FAM78A: variants seen among roughly 807,000 people sequenced by gnomAD.
FAM78A encodes protein FAM78A.
FAM78A carries 12 observed loss-of-function variants against 22.6 expected under a neutral mutation model. That is an observed-to-expected ratio of 0.53 (90% confidence interval 0.34 to 0.86). FAM78A has a LOEUF of 0.86. Ranked by LOEUF, FAM78A falls within the 40% of genes least tolerant of loss-of-function variation. FAM78A has a pLI of 0.02. For missense variants in FAM78A, 322 were observed against 396.1 expected (o/e 0.81, Z 1.59); for synonymous variants, 151 against 155.8 (o/e 0.97, Z 0.23).
At chr9:131,269,608 C>T (rs1156993744) in intron 1 of FAM78A, among the ~76,000 whole-genome samples, 1 of 152,056 alleles carries the variant, frequency 6.6e-6, no homozygotes, top group Admixed American at 6.6e-5. Context: ...TTCTGAGTAG[C>T]TGGGATTAAA....
chr9:131,276,977 C>T (rs1461036677), upstream of FAM78A, among the ~76,000 whole-genome samples: 1 of 149,664 alleles, frequency 6.7e-6, no homozygotes, highest in African/African-American at 2.4e-5. This position sits in a 1 kb window ranked among gnomAD's most constrained non-coding sequence, Gnocchi z 4.3. Context: ...CGCGTCAAGG[C>T]CAGCCTCAAA....
intron 1 of FAM78A, among the ~76,000 whole-genome samples, chr9:131,262,954 T>A (rs763254631): frequency 3.3e-5 from 5 of 151,894 alleles, no homozygotes; most frequent in Non-Finnish European, 5.9e-5. Flanking sequence ...TGAAAAGAGT[T>A]CTGGGCTGGG....
At chr9:131,266,498 T>TCCACTCCTCTTTCCTCCTCCTCCC in intron 1 of FAM78A, among the ~76,000 whole-genome samples, 5 of 151,738 alleles carry the variant, frequency 3.3e-5, no homozygotes, top group African/African-American at 1.2e-4. Context: ...CTCCTCCTCC[T>TCCACTCCTCTTTCCTCCTCCTCCC]CCACTCCTCT....
At chr9:131,267,583 T>C (rs1001041428) in intron 1 of FAM78A, among the ~76,000 whole-genome samples, 2 of 152,108 alleles carry the variant, frequency 1.3e-5, no homozygotes, top group Non-Finnish European at 2.9e-5. Context: ...AAATAACAGG[T>C]TGGATATGCT....
intron 1 of FAM78A, among the ~76,000 whole-genome samples, chr9:131,262,163 T>C (rs1835279631): frequency 6.6e-6 from 1 of 150,592 alleles, no homozygotes. Context: ...CTGTCTCTAC[T>C]AAAAAAAATA....
chr9:131,266,202 C>T (rs1320822879), intron 1 of FAM78A, among the ~76,000 whole-genome samples: 4 of 152,184 alleles, frequency 2.6e-5, no homozygotes, highest in African/African-American at 4.8e-5. Flanking sequence ...CTGTTCCCCT[C>T]CCAGAAGCAG....
intron 1 of FAM78A, among the ~76,000 whole-genome samples, chr9:131,273,244 GACACCAAACGGA>G (rs1482691160): frequency 6.6e-6 from 1 of 152,234 alleles, no homozygotes; most frequent in African/African-American, 2.4e-5. Flanking sequence ...CTCATGGACG[GACACCAAACGGA>G]ACCCCGGGGG....
At chr9:131,277,035 G>A (rs992901084), upstream of FAM78A, among the ~76,000 whole-genome samples, 2 of 150,234 alleles carry the variant, frequency 1.3e-5, no homozygotes, top group Non-Finnish European at 3.0e-5. The surrounding 1 kb of genome is among the most constrained non-coding windows in gnomAD (Gnocchi z 8.4). Context: ...GGCGACGCGT[G>A]TGCGCTGGGC....
rs1432417425 is a variant in FAM78A at position 131,274,439 on chromosome 9, A to G, written c.323+1418T>C. 6.6e-6 allele frequency among the ~76,000 whole-genome samples: 1 copy of G among 152,188 alleles called. No homozygotes were observed. Among genetic ancestry groups the G allele is most frequent in the African/African-American group, 2.4e-5 (1 of 41,448 alleles). ...AATCATGTTTCCCTGCTTAGAACAG[A>G]AAGGCAGCACCCCCTCCCCCGAACT... On this transcript the variant is annotated intron_variant, in intron 1 of 1. Coordinates refer to ENST00000372271, the MANE Select transcript of FAM78A (RefSeq NM_033387.4). This position sits in a 1 kb window ranked among gnomAD's most constrained non-coding sequence, Gnocchi z 4.2.
chr9:131,280,494 A>ACCCTTTCCCCTCCCCCAGGC (rs1298688632), upstream of FAM78A, among the ~76,000 whole-genome samples: 1 of 151,896 alleles, frequency 6.6e-6, no homozygotes, highest in Non-Finnish European at 1.5e-5. Context: ...TGCTCTCAGG[A>ACCCTTTCCCCTCCCCCAGGC]CCCTTTCCCC....
chr9:131,271,124 C>T (rs1275480609), intron 1 of FAM78A, among the ~76,000 whole-genome samples: 4 of 151,650 alleles, frequency 2.6e-5, no homozygotes, highest in African/African-American at 9.7e-5. Context: ...CCTCCCACCT[C>T]AGCCTCCCAA....
chr9:131,276,246 G>C lies in FAM78A; in HGVS notation c.-67C>G. 1 of 1,346,356 alleles carries C rather than the reference G, an allele frequency of 7.4e-7. No individual in the cohort carries two copies. The highest frequency in any genetic ancestry group is 1.0e-6 in the Non-Finnish European group (1 of 972,016). 83.4% of individuals were successfully genotyped at this position (1,346,356 alleles called of 1,614,324 possible). ...CTCTCCAATCTCAACTCTCAAGACC[G>C]ATATCCATAGGATAGAAAACTCACT... On this transcript the variant is annotated 5_prime_UTR_variant, in exon 1 of 2. In the 5' UTR this introduces an upstream ATG that the reference lacks. Coordinates refer to ENST00000372271, the MANE Select transcript of FAM78A (RefSeq NM_033387.4). This position sits in a 1 kb window ranked among gnomAD's most constrained non-coding sequence, Gnocchi z 4.3.
chr9:131,267,622 T>C (rs12002971), intron 1 of FAM78A, among the ~76,000 whole-genome samples: 12,911 of 152,268 alleles, frequency 0.085, 1,568 homozygotes, highest in African/African-American at 0.27. Context: ...ATATATGTTC[T>C]AATAGGCAAT....
intron 1 of FAM78A, among the ~76,000 whole-genome samples, chr9:131,262,243 AGAGG>A (rs1325528511): frequency 6.6e-6 from 1 of 150,884 alleles, no homozygotes; most frequent in Non-Finnish European, 1.5e-5. Flanking sequence ...GGCAGGAGAC[AGAGG>A]TTGCAGTGAG....
rs556156895 is a variant in FAM78A at position 131,265,440 on chromosome 9, G to C, written c.324-4090C>G. On this transcript the variant is annotated intron_variant, in intron 1 of 1. Coordinates refer to ENST00000372271, the MANE Select transcript of FAM78A (RefSeq NM_033387.4). The surrounding 1 kb of genome is among the most constrained non-coding windows in gnomAD (Gnocchi z 4.3). ...CGGACTAATTATTTAGTAGAGATGG[G>C]GTTTCACCGTGTTATTCAGGTTGGT... Among the ~76,000 whole-genome samples, 1 of 152,088 alleles carries C rather than the reference G, an allele frequency of 6.6e-6. No homozygotes were observed. The highest frequency in any genetic ancestry group is 1.5e-5 in the Non-Finnish European group (1 of 68,012).
In FAM78A at chr9:131,276,047, C is replaced by G; in HGVS notation, c.133G>C (p.Ala45Pro). 3 of 1,613,814 alleles carry G rather than the reference C, an allele frequency of 1.9e-6. No individual in the cohort carries two copies. The highest frequency in any genetic ancestry group is 2.5e-6 in the Non-Finnish European group (3 of 1,180,038). The change falls in exon 1 of 2, where the codon GCC (alanine) becomes CCC (proline). Residue 45 changes from alanine to proline, a missense_variant. Transcript: ENST00000372271. This position sits in a 1 kb window ranked among gnomAD's most constrained non-coding sequence, Gnocchi z 4.3. ...CTAGTGGGGACGGGGTCGATGGAGG[C>G]TTTCACATCAATCACCGTGATCCCT... Reference protein sequence around the residue: ...REGITVIDVKASIDPVPTSID... With the variant: ...REGITVIDVKPSIDPVPTSID...
rs1269357624 is a variant in FAM78A, at chr9:131,258,832, C to G, written c.*1990G>C. On this transcript the variant is annotated 3_prime_UTR_variant, in exon 2 of 2. Transcript: ENST00000372271. ...CGGGGTGGCACGGCCTCCATCCTCACAAGAGAACCTGCAGTTTCTGCGGGG... is the reference window on the plus strand; with the variant it reads ...CGGGGTGGCACGGCCTCCATCCTCAGAAGAGAACCTGCAGTTTCTGCGGGG... 1 of 152,302 alleles carries G rather than the reference C, an allele frequency of 6.6e-6. No homozygotes were observed. Among genetic ancestry groups the G allele is most frequent in the Non-Finnish European group, 1.5e-5 (1 of 68,074 alleles). The allele number at this position is 152,302 out of a possible 1,614,324, so 9.4% of individuals were successfully genotyped here.
chr9:131,274,501 C>T lies in FAM78A; in HGVS notation c.323+1356G>A. ...TGCTCTTGAGACACAAAGGGGTTGG[C>T]ACAGAAATCAGGCTGGTGGAGAGGG... On this transcript the variant is annotated intron_variant, in intron 1 of 1. Transcript: ENST00000372271. This position sits in a 1 kb window ranked among gnomAD's most constrained non-coding sequence, Gnocchi z 4.2. Among the ~76,000 whole-genome samples the T allele has an allele frequency of 6.6e-6, 1 of 152,178 alleles. No homozygotes were observed. Among genetic ancestry groups the T allele is most frequent in the East Asian group, 1.9e-4 (1 of 5,190 alleles).
upstream of FAM78A, among the ~76,000 whole-genome samples, chr9:131,279,034 T>G (rs1311203397): frequency 6.6e-6 from 1 of 152,234 alleles, no homozygotes; most frequent in Non-Finnish European, 1.5e-5. Context: ...AGTGGCTGGC[T>G]AGGGTGGCCT....
Sources: allele counts gnomAD v4.1 joint callset (sites outside exome capture counted in the v4.1 genomes callset), GRCh38; gene constraint gnomAD v4.1.1; non-coding constraint Gnocchi (gnomAD v3.1); transcripts MANE v1.5; gene names NCBI Gene and HGNC (gene_info 2026-07-23, HGNC 2026-07-21).